Variants in EXOC4 observed in about 807,000 individuals in gnomAD.
EXOC4 encodes the protein exocyst complex component 4.
A neutral mutation model predicts 107.2 loss-of-function variants in EXOC4; 71 were observed. The observed-to-expected ratio is 0.66, with a 90% confidence interval of 0.55 to 0.81. The LOEUF (loss-of-function observed/expected upper bound fraction) is 0.81. Ranked by LOEUF, EXOC4 falls within the 30% of genes least tolerant of loss-of-function variation. EXOC4 has a pLI of 0.00. For synonymous variants in EXOC4, 456 were observed against 441.2 expected (o/e 1.03, Z -0.42); for missense variants, 1,108 against 1,189.6 (o/e 0.93, Z 1.01).
chr7:133,700,595 C>G (rs949871646), intron 10 of EXOC4, among the ~76,000 whole-genome samples: 35 of 152,102 alleles, frequency 2.3e-4, no homozygotes, highest in Admixed American at 2.2e-3. Context: ...TGAATTTCAG[C>G]TTGTAGTCAT....
At chr7:133,577,342 C>T (rs1242928489) in intron 9 of EXOC4, among the ~76,000 whole-genome samples, 1 of 152,072 alleles carries the variant, frequency 6.6e-6, no homozygotes, top group Non-Finnish European at 1.5e-5. Context: ...TCTAAAAATG[C>T]CACTGTGTGT....
intron 10 of EXOC4, among the ~76,000 whole-genome samples, chr7:133,654,609 T>A (rs1803242705): frequency 6.6e-6 from 1 of 152,130 alleles, no homozygotes; most frequent in African/African-American, 2.4e-5. Context: ...TATTATCTGC[T>A]CCTTCCCTCT....
At chr7:133,651,369 AAACAC>A (rs1268091772) in intron 10 of EXOC4, among the ~76,000 whole-genome samples, 4 of 52,268 alleles carry the variant, frequency 7.7e-5, no homozygotes, top group East Asian at 9.9e-4. Context: ...ATAAGAAAAA[AAACAC>A]AACACCTATA....
chr7:133,443,853 C>G (rs1198438637), intron 7 of EXOC4, among the ~76,000 whole-genome samples: 1 of 152,138 alleles, frequency 6.6e-6, no homozygotes, highest in Non-Finnish European at 1.5e-5. Flanking sequence ...ACAAAAAGCT[C>G]AAACTGTATA....
intron 10 of EXOC4, among the ~76,000 whole-genome samples, chr7:133,747,017 G>A (rs1442321514): frequency 3.3e-5 from 5 of 152,124 alleles, no homozygotes; most frequent in African/African-American, 1.2e-4. Context: ...AATACTAGTA[G>A]TACAACTACA....
intron 10 of EXOC4, among the ~76,000 whole-genome samples, chr7:133,787,337 G>T (rs1210119895): frequency 2.8e-4 from 2 of 7,030 alleles, no homozygotes; most frequent in Admixed American, 2.1e-3. Flanking sequence ...AGGCTAATTT[G>T]TGTGTGTGTG....
At chr7:133,663,350 C>G (rs1035669537) in intron 10 of EXOC4, among the ~76,000 whole-genome samples, 36 of 152,050 alleles carry the variant, frequency 2.4e-4, no homozygotes, top group African/African-American at 8.5e-4. Context: ...CACTCACTTC[C>G]CTGGTAATCT....
At chr7:133,851,483 AG>A (rs1295693862) in intron 11 of EXOC4, among the ~76,000 whole-genome samples, 1 of 152,204 alleles carries the variant, frequency 6.6e-6, no homozygotes, top group Admixed American at 6.5e-5. Flanking sequence ...TGGCCCTGCC[AG>A]GGTGGCATGT....
At chr7:133,459,837 C>T (rs1235513908) in intron 7 of EXOC4, among the ~76,000 whole-genome samples, 1 of 152,134 alleles carries the variant, frequency 6.6e-6, no homozygotes, top group East Asian at 1.9e-4. Context: ...CATTTAAATA[C>T]ATTGCATATG....
chr7:133,304,441 C>G (rs1191139670), intron 3 of EXOC4, among the ~76,000 whole-genome samples: 1 of 152,182 alleles, frequency 6.6e-6, no homozygotes, highest in African/African-American at 2.4e-5. Context: ...CTTCAGAGGG[C>G]AGAGCTGGCC....
At chr7:133,276,946 A>G (rs1794007779) in intron 2 of EXOC4, among the ~76,000 whole-genome samples, 2 of 151,772 alleles carry the variant, frequency 1.3e-5, no homozygotes, top group African/African-American at 4.8e-5. Context: ...ACCTCTTTAT[A>G]TTTTAAAATT....
chr7:133,643,756 A>T (rs1204113683), intron 10 of EXOC4, among the ~76,000 whole-genome samples: 1 of 152,232 alleles, frequency 6.6e-6, no homozygotes, highest in Non-Finnish European at 1.5e-5. Context: ...AGGAAATAAA[A>T]TGAAGAAACT....
intron 17 of EXOC4, among the ~76,000 whole-genome samples, chr7:134,056,031 T>C (rs1444517987): frequency 3.3e-5 from 5 of 152,234 alleles, no homozygotes; most frequent in African/African-American, 1.2e-4. Flanking sequence ...GTAGGGCCTC[T>C]CAGCAGTTGT....
intron 9 of EXOC4, among the ~76,000 whole-genome samples, chr7:133,598,825 A>C (rs1038048842): frequency 6.6e-6 from 1 of 152,082 alleles, no homozygotes; most frequent in Non-Finnish European, 1.5e-5. Flanking sequence ...CTACTAAAAA[A>C]TACAAAAAAT....
At chr7:133,487,221 C>T (rs1799284647) in intron 9 of EXOC4, among the ~76,000 whole-genome samples, 1 of 152,108 alleles carries the variant, frequency 6.6e-6, no homozygotes. Context: ...CTAAGAACCT[C>T]GCTCTTGAGA....
chr7:134,052,901 C>G (rs1057369755), intron 17 of EXOC4, among the ~76,000 whole-genome samples: 1 of 152,182 alleles, frequency 6.6e-6, no homozygotes, highest in Non-Finnish European at 1.5e-5. Flanking sequence ...CATCTCCCCC[C>G]GGAGTTACAT....
intron 12 of EXOC4, among the ~76,000 whole-genome samples, chr7:133,912,397 C>T (rs950837814): frequency 3.9e-5 from 6 of 152,106 alleles, no homozygotes; most frequent in Non-Finnish European, 5.9e-5. Context: ...GACTATTTTA[C>T]ATTGGGGTTT....
intron 3 of EXOC4, among the ~76,000 whole-genome samples, chr7:133,293,329 C>T (rs1453983239): frequency 2.6e-5 from 4 of 152,158 alleles, no homozygotes; most frequent in East Asian, 1.9e-4. Context: ...AAAACAATCA[C>T]ATTTTCTTTC....
intron 9 of EXOC4, among the ~76,000 whole-genome samples, chr7:133,599,350 A>C (rs1167679305): frequency 1.3e-5 from 2 of 152,160 alleles, no homozygotes; most frequent in Admixed American, 1.3e-4. Flanking sequence ...ACAGCTGGGC[A>C]TTATCTTTTT....
Sources: gnomAD v4.1 joint callset for allele counts (sites outside exome capture counted in the v4.1 genomes callset) on GRCh38, gnomAD v4.1.1 for gene constraint, MANE v1.5 for transcripts, NCBI Gene and HGNC (gene_info 2026-07-23, HGNC 2026-07-21) for gene names.